Variants in FOXO3 observed in about 807,000 individuals in gnomAD.
The protein encoded by FOXO3 is forkhead box protein O3.
In FOXO3, 4 loss-of-function variants were observed where a neutral mutation model predicts 41.9. The ratio of observed to expected loss-of-function variants is 0.10; its 90% CI spans 0.05 to 0.22. The LOEUF is 0.22. FOXO3 is among the 10% of genes least tolerant of loss of function. The probability of loss-of-function intolerance (pLI) is 1.00; values close to 1 mark genes in which losing one functional copy is unlikely to be tolerated. For missense variants in FOXO3, 534 were observed against 906.8 expected (o/e 0.59, Z 5.28); for synonymous variants, 318 against 389.3 (o/e 0.82, Z 2.16).
chr6:108,679,810 C>G lies in FOXO3; in HGVS notation c.*35-17C>G, dbSNP rs1218103356. The G allele has an allele frequency of 6.5e-6, 1 of 154,654 alleles. No individual in the cohort carries two copies. The highest frequency in any genetic ancestry group is 2.4e-5 in the African/African-American group (1 of 41,506). The allele number at this position is 154,654 out of a possible 1,614,324, so 9.6% of individuals were successfully genotyped here. A position where few individuals can be genotyped will look rare whatever the true frequency, so the allele number is the denominator to read the frequency against. On this transcript the variant is annotated splice_polypyrimidine_tract_variant and intron_variant, in intron 2 of 2. Coordinates refer to ENST00000406360, the MANE Select transcript of FOXO3 (RefSeq NM_001455.4). Reference sequence around the variant, plus strand: ...AGTGCCCTTAATGATCTCTGGTTTTCTTTTCTCCTCCTTTAGACCCTCAAA... The same window carrying G: ...AGTGCCCTTAATGATCTCTGGTTTTGTTTTCTCCTCCTTTAGACCCTCAAA...
At chr6:108,665,848 A>G (rs1394143111) in intron 2 of FOXO3, among the ~76,000 whole-genome samples, 1 of 151,706 alleles carries the variant, frequency 6.6e-6, no homozygotes, top group Admixed American at 6.6e-5. Flanking sequence ...ATTAATTTGA[A>G]AACACAGGTG....
intron 1 of FOXO3, among the ~76,000 whole-genome samples, chr6:108,641,634 T>C (rs1300630503): frequency 2.6e-5 from 4 of 152,126 alleles, no homozygotes; most frequent in African/African-American, 9.7e-5. Context: ...ATTCCATTTT[T>C]AATATGTCTT....
intron 1 of FOXO3, among the ~76,000 whole-genome samples, chr6:108,631,027 C>T (rs1674366531): frequency 6.6e-6 from 1 of 152,088 alleles, no homozygotes; most frequent in Admixed American, 6.6e-5. Context: ...TTATTGTAGA[C>T]ATTTTATAGT....
At chr6:108,611,406 G>A (rs1005042955) in intron 1 of FOXO3, among the ~76,000 whole-genome samples, 3 of 152,178 alleles carry the variant, frequency 2.0e-5, no homozygotes, top group African/African-American at 4.8e-5. Flanking sequence ...TGGGTGGTAA[G>A]TGCAGTGTAT....
chr6:108,564,103 T>A (rs1337809116), intron 1 of FOXO3, among the ~76,000 whole-genome samples: 1 of 152,218 alleles, frequency 6.6e-6, no homozygotes, highest in African/African-American at 2.4e-5. Flanking sequence ...TTTTACCAAT[T>A]CCATTTCTGA....
intron 1 of FOXO3, among the ~76,000 whole-genome samples, chr6:108,616,159 T>G (rs1777502568): frequency 7.9e-6 from 1 of 125,856 alleles, no homozygotes. Flanking sequence ...AACTAAGGTT[T>G]TTTTTTTTTT....
chr6:108,609,239 A>G (rs903892904), intron 1 of FOXO3, among the ~76,000 whole-genome samples: 2 of 152,164 alleles, frequency 1.3e-5, no homozygotes, highest in African/African-American at 2.4e-5. Flanking sequence ...CCCCAAATAA[A>G]TGGTGAATTG....
intron 1 of FOXO3, among the ~76,000 whole-genome samples, chr6:108,649,855 G>T (rs1778500691): frequency 6.6e-6 from 1 of 152,046 alleles, no homozygotes; most frequent in Non-Finnish European, 1.5e-5. Flanking sequence ...GACGTTTGTT[G>T]TGTGTTACTT....
chr6:108,627,151 C>G (rs1169440311), intron 1 of FOXO3, among the ~76,000 whole-genome samples: 3 of 152,200 alleles, frequency 2.0e-5, no homozygotes, highest in African/African-American at 7.2e-5. Context: ...GGATTCTGAT[C>G]TTATGTGAGA....
Position 108,561,151 on chromosome 6 carries a change from C to T in FOXO3, c.-58C>T, listed in dbSNP as rs1474880874. ...TCCACGTCCCTCCCCCGCTGCACCC[C>T]GCCCCGGCGCGAGAGGAGAGCGCGA... On this transcript the variant is annotated 5_prime_UTR_variant, in exon 1 of 3. Coordinates refer to ENST00000406360, the MANE Select transcript of FOXO3 (RefSeq NM_001455.4). 6 of 1,493,746 alleles carry T rather than the reference C, an allele frequency of 4.0e-6. No homozygotes were observed. The South Asian group carries it at 5.1e-5, about 13-fold the overall frequency. 92.5% of individuals were successfully genotyped at this position (1,493,746 alleles called of 1,614,324 possible).
intron 1 of FOXO3, among the ~76,000 whole-genome samples, chr6:108,606,611 G>A (rs1582771129): frequency 1.3e-5 from 2 of 152,330 alleles, no homozygotes; most frequent in South Asian, 4.1e-4. Context: ...TTCCCAGGAA[G>A]CAAGCAGCCT....
At chr6:108,603,918 T>G (rs536044808) in intron 1 of FOXO3, among the ~76,000 whole-genome samples, 1 of 152,330 alleles carries the variant, frequency 6.6e-6, no homozygotes, top group South Asian at 2.1e-4. Flanking sequence ...AAGAAGTATT[T>G]TTGTAATGAT....
chr6:108,607,710 T>C (rs1777245989), intron 1 of FOXO3, among the ~76,000 whole-genome samples: 2 of 152,218 alleles, frequency 1.3e-5, no homozygotes, highest in African/African-American at 2.4e-5. Flanking sequence ...TAAGCATCCT[T>C]CTGCCTTTAG....
chr6:108,586,477 A>G (rs1776582609), intron 1 of FOXO3, among the ~76,000 whole-genome samples: 1 of 152,096 alleles, frequency 6.6e-6, no homozygotes, highest in Non-Finnish European at 1.5e-5. Flanking sequence ...ATCTATGTTC[A>G]TCTATCTGGC....
chr6:108,605,119 T>C (rs1777158862), intron 1 of FOXO3, among the ~76,000 whole-genome samples: 1 of 149,746 alleles, frequency 6.7e-6, no homozygotes, highest in African/African-American at 2.5e-5. Context: ...TAATACTAAC[T>C]TTTCTTTTTT....
intron 1 of FOXO3, among the ~76,000 whole-genome samples, chr6:108,636,262 T>C (rs1434745069): frequency 6.6e-6 from 1 of 152,212 alleles, no homozygotes; most frequent in African/African-American, 2.4e-5. Context: ...GTGGTGAGCT[T>C]GTGCAGTATG....
intron 1 of FOXO3, among the ~76,000 whole-genome samples, chr6:108,614,128 T>C (rs939832191): frequency 6.6e-6 from 1 of 152,144 alleles, no homozygotes; most frequent in Non-Finnish European, 1.5e-5. Context: ...CCAAGAATAT[T>C]GTCTATCTTA....
chr6:108,650,023 T>A (rs1391694055), intron 1 of FOXO3, among the ~76,000 whole-genome samples: 1 of 152,114 alleles, frequency 6.6e-6, no homozygotes, highest in East Asian at 1.9e-4. Flanking sequence ...CCACACATCG[T>A]TCCCATTAGC....
intron 1 of FOXO3, among the ~76,000 whole-genome samples, chr6:108,599,818 C>T (rs533614624): frequency 1.3e-5 from 2 of 152,296 alleles, no homozygotes; most frequent in African/African-American, 4.8e-5. Flanking sequence ...CTTCTTCCTC[C>T]CATCCCACTT....
Sources: gnomAD v4.1 joint callset for allele counts (sites outside exome capture counted in the v4.1 genomes callset) on GRCh38, gnomAD v4.1.1 for gene constraint, MANE v1.5 for transcripts, NCBI Gene and HGNC (gene_info 2026-07-23, HGNC 2026-07-21) for gene names.